Variants in DMD observed in about 807,000 individuals in gnomAD.
DMD encodes the protein dystrophin, also known as mutant dystrophin.
A neutral mutation model predicts 330.1 loss-of-function variants in DMD; 63 were observed. That is an observed-to-expected ratio of 0.19 (90% CI 0.16 to 0.24). The LOEUF (loss-of-function observed/expected upper bound fraction) is 0.24, where lower values mean the gene tolerates loss of function less well. Among genes scored for constraint, DMD ranks in the 10% least tolerant of loss-of-function variants. The probability of loss-of-function intolerance (pLI) is 1.00; values close to 1 mark genes in which losing one functional copy is unlikely to be tolerated. For missense variants in DMD, 3,344 were observed against 2,684.1 expected (o/e 1.25, Z -5.43); for synonymous variants, 1,223 against 959.8 (o/e 1.27, Z -5.07).
Position 31,824,125 on chromosome X carries a change from G to A in DMD, c.7201-4042C>T, listed in dbSNP as rs868133162. 8.3e-4 allele frequency among the ~76,000 whole-genome samples: 93 copies of A among 112,024 alleles called. 1 individual carries two copies. Among genetic ancestry groups the A allele is most frequent in the African/African-American group, 2.7e-3 (82 of 30,862 alleles). ...TCATATTCCCTCACCAGTGTATACC[G>A]GAGAAGTTTCTCTCACATTCTTAAG... is the stretch of plus-strand genomic sequence containing the variant. On this transcript the variant is annotated intron_variant, in intron 49 of 78. Coordinates refer to ENST00000357033, the MANE Select transcript of DMD (RefSeq NM_004006.3).
At chrX:32,673,347 T>A (rs930245675) in intron 9 of DMD, among the ~76,000 whole-genome samples, 3 of 111,545 alleles carry the variant, frequency 2.7e-5, no homozygotes, top group East Asian at 5.6e-4. Context: ...TTAGGAGATT[T>A]GATAGAAACA....
intron 59 of DMD, among the ~76,000 whole-genome samples, chrX:31,474,674 A>G (rs1259693776): frequency 1.9e-5 from 2 of 104,393 alleles, no homozygotes; most frequent in Non-Finnish European, 3.9e-5. Flanking sequence ...GCACCACTGC[A>G]CTCCAGCCTG....
chrX:31,508,311 A>C, intron 55 of DMD: 4 of 1,146,462 alleles, frequency 3.5e-6, no homozygotes, highest in Non-Finnish European at 4.7e-6. Context: ...AAACTGAAAG[A>C]GCCCTGCTTT....
At chrX:32,457,316 G>A (rs984807380) in intron 25 of DMD, among the ~76,000 whole-genome samples, 4 of 111,191 alleles carry the variant, frequency 3.6e-5, no homozygotes, top group African/African-American at 1.3e-4. Context: ...AAGAGAGAAG[G>A]GAAGGAGTGA....
intron 44 of DMD, among the ~76,000 whole-genome samples, chrX:31,990,677 A>G (rs2095544035): frequency 8.9e-6 from 1 of 112,334 alleles, no homozygotes; most frequent in Non-Finnish European, 1.9e-5. Flanking sequence ...CAGTTTTAAC[A>G]TTGCTAGTAC....
intron 13 of DMD, among the ~76,000 whole-genome samples, chrX:32,579,551 C>G (rs941100548): frequency 2.7e-5 from 3 of 112,436 alleles, no homozygotes; most frequent in Non-Finnish European, 3.8e-5. Context: ...GCTACACAAC[C>G]TACAGTGAGA....
At chrX:31,902,634 T>C (rs778107427) in intron 47 of DMD, among the ~76,000 whole-genome samples, 4 of 111,937 alleles carry the variant, frequency 3.6e-5, no homozygotes, top group Non-Finnish European at 7.5e-5. Context: ...TTGCTACTAA[T>C]AAATGTATTG....
chrX:31,359,410 G>T (rs1405427481), intron 60 of DMD, among the ~76,000 whole-genome samples: 2 of 111,827 alleles, frequency 1.8e-5, no homozygotes, highest in Non-Finnish European at 3.8e-5. Flanking sequence ...TAGTGGAAAT[G>T]CCACGAATTT....
intron 59 of DMD, among the ~76,000 whole-genome samples, chrX:31,451,835 TAAAAA>T (rs34070592): frequency 9.9e-6 from 1 of 101,369 alleles, no homozygotes; most frequent in Non-Finnish European, 2.0e-5. Flanking sequence ...AAACGTACTT[TAAAAA>T]AAAAAAAGGG....
chrX:32,269,958 G>A (rs1383707714), intron 43 of DMD, among the ~76,000 whole-genome samples: 1 of 112,091 alleles, frequency 8.9e-6, no homozygotes, highest in African/African-American at 3.2e-5. Context: ...TTTATTATGA[G>A]TATTGCAAAG....
intron 2 of DMD, among the ~76,000 whole-genome samples, chrX:32,920,683 T>G (rs886628742): frequency 8.9e-6 from 1 of 112,362 alleles, no homozygotes; most frequent in Non-Finnish European, 1.9e-5. Context: ...AATGTTTACT[T>G]CATGCCACAC....
intron 2 of DMD, among the ~76,000 whole-genome samples, chrX:32,997,607 A>ACTTTGACACAGGACT (rs2093159925): frequency 8.9e-6 from 1 of 111,916 alleles, no homozygotes; most frequent in African/African-American, 3.2e-5. Context: ...AAAATATGCC[A>ACTTTGACACAGGACT]CTTTGACACA....
At chrX:32,384,523 T>A (rs2097945358) in intron 33 of DMD, among the ~76,000 whole-genome samples, 1 of 111,089 alleles carries the variant, frequency 9.0e-6, no homozygotes, top group South Asian at 3.7e-4. Context: ...AACAAACTTG[T>A]TTAAAACATA....
At chrX:32,671,166 A>G (rs2061610389) in intron 9 of DMD, among the ~76,000 whole-genome samples, 1 of 111,118 alleles carries the variant, frequency 9.0e-6, no homozygotes, top group South Asian at 3.8e-4. Context: ...AATTATACAT[A>G]TATCTCTCAC....
chrX:31,135,114 A>G (rs982023202), intron 76 of DMD, among the ~76,000 whole-genome samples: 1 of 110,984 alleles, frequency 9.0e-6, no homozygotes, highest in African/African-American at 3.3e-5. Context: ...AAAACTGACA[A>G]GCTCTCTTTT....
chrX:32,246,983 G>GA (rs1377355313), intron 43 of DMD, among the ~76,000 whole-genome samples: 1 of 111,080 alleles, frequency 9.0e-6, no homozygotes, highest in Admixed American at 9.7e-5. Flanking sequence ...ATATGGCCAG[G>GA]ACCCACCCCA....
intron 53 of DMD, among the ~76,000 whole-genome samples, chrX:31,665,627 C>G (rs2081381817): frequency 9.0e-6 from 1 of 111,603 alleles, no homozygotes; most frequent in Admixed American, 9.5e-5. Context: ...CATTTTCCGG[C>G]TTACTGAAAA....
intron 7 of DMD, among the ~76,000 whole-genome samples, chrX:32,755,891 CTAAT>C (rs1291061658): frequency 1.8e-5 from 2 of 111,961 alleles, no homozygotes; most frequent in Non-Finnish European, 1.9e-5. Context: ...CTGGAGCAAA[CTAAT>C]TAATTTTTCT....
At chrX:32,353,464 A>G (rs1263594136) in intron 37 of DMD, among the ~76,000 whole-genome samples, 1 of 111,772 alleles carries the variant, frequency 8.9e-6, no homozygotes, top group Non-Finnish European at 1.9e-5. Context: ...TGTCTAAAAC[A>G]GTTGAAAGCA....
Sources: allele counts gnomAD v4.1 joint callset (sites outside exome capture counted in the v4.1 genomes callset), GRCh38; gene constraint gnomAD v4.1.1; transcripts MANE v1.5; gene names NCBI Gene and HGNC (gene_info 2026-07-23, HGNC 2026-07-21).